The following PSD3 variants were observed in gnomAD, a reference collection of about 807,000 sequenced individuals.
PSD3 encodes the protein PH and SEC7 domain-containing protein 3.
In PSD3, 49 loss-of-function variants were observed where a neutral mutation model predicts 105.5. That is an observed-to-expected ratio of 0.46 (90% confidence interval 0.37 to 0.59). PSD3 has a LOEUF of 0.59. PSD3 is among the 20% of genes least tolerant of loss of function. PSD3 has a pLI of 0.00. For synonymous variants in PSD3, 557 were observed against 457.8 expected, an observed-to-expected ratio of 1.22 and a Z score of -2.77; for missense variants, 1,561 against 1,263.8, an observed-to-expected ratio of 1.24 and a Z score of -3.57.
At chr8:18,879,784 G>A (rs1027140247) in intron 2 of PSD3, among the ~76,000 whole-genome samples, 1 of 152,030 alleles carries the variant, frequency 6.6e-6, no homozygotes, top group Non-Finnish European at 1.5e-5. Flanking sequence ...TTTTTGTAGA[G>A]ACGGGGTTTC....
intron 4 of PSD3, among the ~76,000 whole-genome samples, chr8:18,857,209 G>C (rs1816080210): frequency 6.6e-6 from 1 of 152,170 alleles, no homozygotes; most frequent in Non-Finnish European, 1.5e-5. Flanking sequence ...CTGAGAACGG[G>C]GACTGGCTCA....
At chr8:18,950,924 C>T (rs1387447839) in intron 1 of PSD3, among the ~76,000 whole-genome samples, 2 of 152,036 alleles carry the variant, frequency 1.3e-5, no homozygotes, top group Non-Finnish European at 1.5e-5. Flanking sequence ...GCTCTAGGGC[C>T]GAGCTGCAAT....
chr8:18,601,040 A>G lies in PSD3; in HGVS notation c.2411-606T>C, dbSNP rs144833277. Among the ~76,000 whole-genome samples, 407 of 152,354 alleles carry G rather than the reference A, an allele frequency of 2.7e-3. 4 individuals carry two copies. Among genetic ancestry groups the G allele is most frequent in the African/African-American group, 9.3e-3 (387 of 41,578 alleles). Reference sequence around the variant, plus strand: ...GTCTAAATGTCTCTTTCACTAGACTATGTATGACTTGACAGGAGGTATCCT... The same window carrying G: ...GTCTAAATGTCTCTTTCACTAGACTGTGTATGACTTGACAGGAGGTATCCT... On this transcript the variant is annotated intron_variant, in intron 11 of 15. Coordinates refer to ENST00000327040, the MANE Select transcript of PSD3 (RefSeq NM_015310.4).
chr8:18,943,271 A>T (rs35486020), intron 1 of PSD3, among the ~76,000 whole-genome samples: 1 of 151,972 alleles, frequency 6.6e-6, no homozygotes, highest in Non-Finnish European at 1.5e-5. Flanking sequence ...GGGAAGGGAG[A>T]CGTCCAGTGT....
upstream of PSD3, chr8:19,013,949 T>C (rs1827084713): frequency 6.6e-6 from 1 of 152,302 alleles, no homozygotes; most frequent in South Asian, 2.1e-4. Flanking sequence ...CGGGGGAGGC[T>C]GGAGGCGATC....
chr8:18,869,826 T>C (rs1817209440), intron 3 of PSD3, among the ~76,000 whole-genome samples: 1 of 152,226 alleles, frequency 6.6e-6, no homozygotes, highest in Admixed American at 6.5e-5. Flanking sequence ...CCTATTAGCA[T>C]GTTTATGTGA....
intron 6 of PSD3, among the ~76,000 whole-genome samples, chr8:18,801,764 G>T (rs1810713349): frequency 6.6e-6 from 1 of 151,992 alleles, no homozygotes; most frequent in Admixed American, 6.6e-5. Flanking sequence ...GGAGGCGGAG[G>T]TTGCAGTAAG....
chr8:18,770,818 C>A (rs1225344869), intron 8 of PSD3, among the ~76,000 whole-genome samples: 1 of 152,210 alleles, frequency 6.6e-6, no homozygotes, highest in Non-Finnish European at 1.5e-5. Context: ...GGCAAAGGGT[C>A]AGTGTGACAG....
chr8:18,947,789 A>T (rs1822961920), intron 1 of PSD3, among the ~76,000 whole-genome samples: 1 of 152,028 alleles, frequency 6.6e-6, no homozygotes, highest in Non-Finnish European at 1.5e-5. Flanking sequence ...AATTCATAAT[A>T]CCCGAGGGCT....
intron 5 of PSD3, 49 bp downstream of exon 5, chr8:18,804,655 C>G: frequency 6.2e-7 from 1 of 1,611,396 alleles, no homozygotes; most frequent in South Asian, 1.1e-5. Flanking sequence ...ATTTAAAACA[C>G]ACACAAAACA....
intron 11 of PSD3, among the ~76,000 whole-genome samples, chr8:18,631,019 G>C (rs996546743): frequency 1.3e-5 from 2 of 151,880 alleles, no homozygotes; most frequent in Non-Finnish European, 2.9e-5. Context: ...AGATATTAAG[G>C]GACAACGGTA....
At chr8:18,575,417 T>G in intron 12 of PSD3, 132 bp from the exon 13 acceptor site, 1 of 823,676 alleles carries the variant, frequency 1.2e-6, no homozygotes, top group Non-Finnish European at 1.7e-6. Flanking sequence ...AAACAAACGG[T>G]GAGTAAAAAC....
intron 4 of PSD3, among the ~76,000 whole-genome samples, chr8:18,850,918 C>G (rs1415838218): frequency 1.3e-5 from 2 of 152,124 alleles, no homozygotes; most frequent in Non-Finnish European, 2.9e-5. Context: ...CTATTGCCCC[C>G]CCTCCCTTCT....
intron 14 of PSD3, among the ~76,000 whole-genome samples, chr8:18,562,110 C>T (rs6993090): frequency 0.025 from 3,769 of 152,232 alleles, 114 homozygotes; most frequent in African/African-American, 0.073. Context: ...ACAGAGAACA[C>T]ATTTATCCAT....
At chr8:18,843,262 G>A (rs193009766) in intron 4 of PSD3, among the ~76,000 whole-genome samples, 386 of 151,394 alleles carry the variant, frequency 2.5e-3, no homozygotes, top group Non-Finnish European at 3.4e-3. Flanking sequence ...TCGGGAGGCT[G>A]AGGCAGGAGA....
At chr8:18,743,517 T>C (rs189148380) in intron 9 of PSD3, among the ~76,000 whole-genome samples, 2 of 152,240 alleles carry the variant, frequency 1.3e-5, no homozygotes, top group Admixed American at 6.5e-5. Flanking sequence ...GGGTCCAGTC[T>C]TTACTTGGAT....
At chr8:18,608,969 C>G (rs1805057999) in intron 11 of PSD3, among the ~76,000 whole-genome samples, 1 of 152,180 alleles carries the variant, frequency 6.6e-6, no homozygotes, top group Admixed American at 6.5e-5. Flanking sequence ...CCACTCATCT[C>G]TCTGGGTGCC....
intron 1 of PSD3, among the ~76,000 whole-genome samples, chr8:18,990,272 AC>A (rs1396459869): frequency 6.6e-6 from 1 of 152,182 alleles, no homozygotes; most frequent in Non-Finnish European, 1.5e-5. Context: ...AAATCCAGGT[AC>A]CCTCCTTTAG....
At chr8:18,773,154 A>C (rs76591911) in intron 8 of PSD3, among the ~76,000 whole-genome samples, 3,274 of 152,274 alleles carry the variant, frequency 0.022, 159 homozygotes, top group East Asian at 0.14. Flanking sequence ...TTTCAGGATT[A>C]CATTTAGGTC....
Sources: gnomAD v4.1 joint callset for allele counts (sites outside exome capture counted in the v4.1 genomes callset) on GRCh38, gnomAD v4.1.1 for gene constraint, MANE v1.5 for transcripts, NCBI Gene and HGNC (gene_info 2026-07-23, HGNC 2026-07-21) for gene names.